Variants in HS3ST3A1 observed in about 807,000 individuals in gnomAD.
HS3ST3A1 encodes heparan sulfate glucosamine 3-O-sulfotransferase 3A1.
Under a neutral mutation model 25.7 loss-of-function variants are expected in HS3ST3A1, and 19 were observed. The ratio of observed to expected loss-of-function variants is 0.74; its 90% CI spans 0.52 to 1.08. The LOEUF (loss-of-function observed/expected upper bound fraction) is 1.08, where lower values mean the gene tolerates loss of function less well. Ranked by LOEUF, HS3ST3A1 falls within the 50% of genes least tolerant of loss-of-function variation. The pLI is 0.00. For missense variants in HS3ST3A1, 459 were observed against 594.3 expected, an observed-to-expected ratio of 0.77 and a Z score of 2.37; for synonymous variants, 226 against 278.6, an observed-to-expected ratio of 0.81 and a Z score of 1.88.
chr17:13,588,829 G>A (rs529242971), intron 1 of HS3ST3A1, among the ~76,000 whole-genome samples: 127 of 152,126 alleles, frequency 8.3e-4, no homozygotes, highest in South Asian at 6.0e-3. Flanking sequence ...GACTACAGGC[G>A]CCCACCACCA....
In HS3ST3A1 at chr17:13,573,841, C is replaced by T. The variant is rs150493010; in HGVS notation, c.599+26690G>A. Among the ~76,000 whole-genome samples, 733 of 152,250 alleles carry T rather than the reference C, an allele frequency of 4.8e-3. 4 individuals are homozygous for T. The highest frequency in any genetic ancestry group is 0.017 in the African/African-American group (690 of 41,540). On this transcript the variant is annotated intron_variant, in intron 1 of 1. Coordinates refer to ENST00000284110, the MANE Select transcript of HS3ST3A1 (RefSeq NM_006042.3). The stretch of plus-strand genomic sequence containing the variant: ...GGGTGGAGCCTCCAAAGTGGAGTTA[C>T]GGGCACAGGGGAGCTTGCCTCCTTC...
intron 1 of HS3ST3A1, among the ~76,000 whole-genome samples, chr17:13,543,948 G>T (rs1907009771): frequency 6.6e-6 from 1 of 152,024 alleles, no homozygotes; most frequent in Non-Finnish European, 1.5e-5. Context: ...CATTATCTTG[G>T]GCAAGTTGCC....
chr17:13,596,418 TACACACAC>T (rs10535139), intron 1 of HS3ST3A1, among the ~76,000 whole-genome samples: 1,647 of 146,404 alleles, frequency 0.011, 9 homozygotes, highest in Non-Finnish European at 0.014. Context: ...TGCGCGTGCG[TACACACAC>T]ACACACACAC....
At chr17:13,513,321 C>T (rs1369743039) in intron 1 of HS3ST3A1, among the ~76,000 whole-genome samples, 3 of 152,178 alleles carry the variant, frequency 2.0e-5, no homozygotes, top group South Asian at 2.1e-4. Context: ...CACAGGAAAA[C>T]GAAACATGCT....
chr17:13,581,835 A>G (rs1380253417), intron 1 of HS3ST3A1, among the ~76,000 whole-genome samples: 1 of 152,324 alleles, frequency 6.6e-6, no homozygotes, highest in East Asian at 1.9e-4. Flanking sequence ...GTGATAGTGT[A>G]CTTTTTTCTT....
At chr17:13,526,816 AT>A (rs571564803) in intron 1 of HS3ST3A1, among the ~76,000 whole-genome samples, 6 of 149,854 alleles carry the variant, frequency 4.0e-5, no homozygotes, top group South Asian at 4.3e-4. Flanking sequence ...CCCAGCTAAT[AT>A]TTTTTTTTGT....
At position 13,530,018 on chromosome 17, in the gene HS3ST3A1, A is replaced by ACACC. The variant is rs764228713; in HGVS notation, c.600-33201_600-33200insGGTG. 5.4e-3 allele frequency among the ~76,000 whole-genome samples: 825 copies of ACACC among 151,804 alleles called. 8 individuals carry two copies. Among genetic ancestry groups the ACACC allele is most frequent in the African/African-American group, 0.019 (789 of 41,406 alleles). ...AATTTATGTAACTACACACACACAC[A>ACACC]CACACACACACACATACACACGGGT... is the stretch of plus-strand genomic sequence containing the variant. On this transcript the variant is annotated intron_variant, in intron 1 of 1. Coordinates refer to ENST00000284110, the MANE Select transcript of HS3ST3A1 (RefSeq NM_006042.3).
At position 13,601,871 on chromosome 17, in the gene HS3ST3A1, G is replaced by T. The variant is rs1010635818; in HGVS notation, c.-742C>A. 4.6e-5 allele frequency: 7 copies of T among 152,762 alleles called. No individual in the cohort carries two copies. The allele number at this position is 152,762 out of a possible 1,614,324, so 9.5% of individuals were successfully genotyped here. A position where few individuals can be genotyped will look rare whatever the true frequency, so the allele number is the denominator to read the frequency against. On this transcript the variant is annotated 5_prime_UTR_variant, in exon 1 of 2. The change creates a new upstream start codon in the 5' untranslated region. Transcript: ENST00000284110. ...GGGCTGGGCTGCGCGGGACCTGTCA[G>T]CGGCCCCCGCCACTCTGCTCGCAGG...
At position 13,495,135 on chromosome 17, in the gene HS3ST3A1, ATC is replaced by A. The variant is rs911357718; in HGVS notation, c.*1060_*1061del. Among the ~76,000 whole-genome samples the A allele has an allele frequency of 1.1e-4, 17 of 152,156 alleles. No individual in the cohort carries two copies. The highest frequency in any genetic ancestry group is 3.9e-4 in the African/African-American group (16 of 41,422). On this transcript the variant is annotated 3_prime_UTR_variant, in exon 2 of 2. Transcript: ENST00000284110. ...CTCATACCTGTAAGTGCTAATTGAAATCTGTTTCTTTTTTTTTTTTAAAGTCA... is the reference window on the plus strand; with the variant it reads ...CTCATACCTGTAAGTGCTAATTGAAATGTTTCTTTTTTTTTTTTAAAGTCA...
intron 1 of HS3ST3A1, among the ~76,000 whole-genome samples, chr17:13,589,026 T>A (rs1448569173): frequency 1.3e-5 from 2 of 152,318 alleles, no homozygotes; most frequent in South Asian, 4.1e-4. Context: ...AACTCACTGG[T>A]CCACTCCAGC....
intron 1 of HS3ST3A1, among the ~76,000 whole-genome samples, chr17:13,526,131 C>T (rs1391501198): frequency 6.6e-6 from 1 of 151,928 alleles, no homozygotes; most frequent in African/African-American, 2.4e-5. Flanking sequence ...AGAATCTGCC[C>T]TGTGTCACTG....
chr17:13,530,682 G>A (rs1906578881), intron 1 of HS3ST3A1, among the ~76,000 whole-genome samples: 2 of 152,140 alleles, frequency 1.3e-5, no homozygotes, highest in African/African-American at 4.8e-5. Flanking sequence ...CCCAAAAGCT[G>A]ATAGTCCTGA....
chr17:13,534,814 T>C (rs1473204724), intron 1 of HS3ST3A1, among the ~76,000 whole-genome samples: 2 of 151,814 alleles, frequency 1.3e-5, no homozygotes, highest in Non-Finnish European at 2.9e-5. Flanking sequence ...TCACCTGAGG[T>C]TGGGAGTTCG....
chr17:13,549,617 C>G (rs900145712), intron 1 of HS3ST3A1, among the ~76,000 whole-genome samples: 9 of 152,146 alleles, frequency 5.9e-5, no homozygotes, highest in African/African-American at 2.2e-4. Flanking sequence ...TCCACTCATC[C>G]TCTTCTGATG....
Position 13,600,580 on chromosome 17 carries a change from C to G in HS3ST3A1, c.550G>C (p.Glu184Gln). 1.9e-6 allele frequency: 3 copies of G among 1,601,134 alleles called. No homozygotes were observed. The highest frequency in any genetic ancestry group is 2.5e-6 in the Non-Finnish European group (3 of 1,178,272). ...VHPDVRAVGA[E>Q]PHFFDRSYDK... The stretch of plus-strand genomic sequence containing the variant: ...TAGCTGCGGTCGAAGAAGTGGGGCT[C>G]GGCGCCCACGGCGCGCACGTCGGGG... Residue 184 changes from glutamate (E) to glutamine (Q), a missense_variant, in exon 1 of 2, where the codon GAG (glutamate) becomes CAG (glutamine). Glu to Gln is a conservative substitution (Grantham distance 29). Around this residue, in one of 3 missense-constraint regions of HS3ST3A1, gnomAD observed 346 missense variants for 303.9 expected, o/e 1.14. Transcript: ENST00000284110.
At chr17:13,574,461 G>A (rs568077141) in intron 1 of HS3ST3A1, among the ~76,000 whole-genome samples, 4 of 151,162 alleles carry the variant, frequency 2.6e-5, no homozygotes, top group African/African-American at 9.7e-5. Flanking sequence ...GCTCACACCT[G>A]TAATCCCAGC....
chr17:13,594,533 T>C (rs1908522459), intron 1 of HS3ST3A1, among the ~76,000 whole-genome samples: 1 of 152,168 alleles, frequency 6.6e-6, no homozygotes. Context: ...GCATTACTGA[T>C]GTTGAAATAA....
chr17:13,533,718 G>T (rs1271359258), intron 1 of HS3ST3A1, among the ~76,000 whole-genome samples: 1 of 152,008 alleles, frequency 6.6e-6, no homozygotes, highest in Non-Finnish European at 1.5e-5. Flanking sequence ...AACCCAAAAA[G>T]AAACAGAACC....
At chr17:13,562,411 A>C (rs1907572600) in intron 1 of HS3ST3A1, among the ~76,000 whole-genome samples, 1 of 152,160 alleles carries the variant, frequency 6.6e-6, no homozygotes, top group African/African-American at 2.4e-5. Flanking sequence ...TCGGGCACAC[A>C]CGAGGGACAG....
Sources: gnomAD v4.1 joint callset for allele counts (sites outside exome capture counted in the v4.1 genomes callset) on GRCh38, gnomAD v4.1.1 for gene constraint, gnomAD v4.1.1 regional missense constraint, MANE v1.5 for transcripts, NCBI Gene and HGNC (gene_info 2026-07-23, HGNC 2026-07-21) for gene names.